The following ENY2 variants were observed in gnomAD, a reference collection of about 807,000 sequenced individuals.
The protein encoded by ENY2 is ENY2 transcription and export complex 2 subunit, also known as transcription and mRNA export factor ENY2.
Under a neutral mutation model 15.9 loss-of-function variants are expected in ENY2, and 4 were observed. The ratio of observed to expected loss-of-function variants is 0.25; its 90% CI spans 0.12 to 0.57. ENY2 has a LOEUF of 0.57. Among genes scored for constraint, ENY2 ranks in the 20% least tolerant of loss-of-function variants. The probability of loss-of-function intolerance (pLI) is 0.91; values close to 1 mark genes in which losing one functional copy is unlikely to be tolerated. For missense variants in ENY2, 54 were observed against 117.2 expected (o/e 0.46, Z 2.49); for synonymous variants, 48 against 38.0 (o/e 1.26, Z -0.97).
intron 2 of ENY2, chr8:109,339,080 C>G (rs142127171): frequency 1.9e-6 from 1 of 535,428 alleles, no homozygotes; most frequent in African/African-American, 1.9e-5. Context: ...AGTATTTTAG[C>G]CCCTCCACTT....
chr8:109,335,610 C>G (rs1210432942), intron 1 of ENY2: 1 of 152,372 alleles, frequency 6.6e-6, no homozygotes, highest in Non-Finnish European at 1.5e-5. Context: ...ATCCACCTGC[C>G]TGGGCCTCCC....
At chr8:109,334,535 G>A (rs1452696094) in intron 1 of ENY2, 61 bp downstream of exon 1, 6 of 1,576,804 alleles carry the variant, frequency 3.8e-6, no homozygotes. Context: ...TCCTTTCGAT[G>A]TACTGTCTTT....
intron 1 of ENY2, chr8:109,334,838 T>C: frequency 3.2e-6 from 1 of 314,212 alleles, no homozygotes. Flanking sequence ...ATTCCAGGAG[T>C]GGTACTGACT....
At chr8:109,341,444 T>C (rs1816110144) in intron 4 of ENY2, among the ~76,000 whole-genome samples, 1 of 152,132 alleles carries the variant, frequency 6.6e-6, no homozygotes, top group African/African-American at 2.4e-5. Flanking sequence ...TTCAAGTATG[T>C]CTCGGGGAAA....
chr8:109,343,390 A>G lies in ENY2; in HGVS notation c.230-15A>G, dbSNP rs376406285. ...GGTACCTTCTTACTCTTATTTTTTTATTTTTGTTTTTCAGCCCTGGTACCT... is the reference window on the plus strand; with the variant it reads ...GGTACCTTCTTACTCTTATTTTTTTGTTTTTGTTTTTCAGCCCTGGTACCT... On this transcript the variant is annotated splice_polypyrimidine_tract_variant and intron_variant, in intron 4 of 4. Coordinates refer to ENST00000521688, the MANE Select transcript of ENY2 (RefSeq NM_020189.6). 16 of 1,592,544 alleles carry G rather than the reference A, an allele frequency of 1.0e-5. No individual in the cohort carries two copies. Among genetic ancestry groups the G allele is most frequent in the Non-Finnish European group, 1.3e-5 (15 of 1,171,462 alleles).
chr8:109,334,765 A>C, intron 1 of ENY2: 1 of 496,972 alleles, frequency 2.0e-6, no homozygotes, highest in South Asian at 2.9e-5. Flanking sequence ...GCCTTTAAGA[A>C]TTAAGTGACT....
In ENY2 at chr8:109,334,440, C is replaced by T. The variant is rs1166561362; in HGVS notation, c.-29C>T. ...CCTCAGCGCAAGGGTCATTTCGTCG[C>T]TGGGAAGGGACGGCCCTCGCCCGCG... On this transcript the variant is annotated 5_prime_UTR_variant, in exon 1 of 5. Transcript: ENST00000521688. The T allele has an allele frequency of 4.3e-6, 7 of 1,613,838 alleles. No individual in the cohort carries two copies. Among genetic ancestry groups the T allele is most frequent in the Non-Finnish European group, 5.1e-6 (6 of 1,179,958 alleles).
chr8:109,336,491 G>T, intron 2 of ENY2: 1 of 255,302 alleles, frequency 3.9e-6, no homozygotes, highest in Admixed American at 5.4e-5. Flanking sequence ...ATGTTACCTG[G>T]GTTTTAACAG....
Position 109,344,581 on chromosome 8 carries a change from C to T in ENY2, c.*1100C>T, listed in dbSNP as rs1217076153. On this transcript the variant is annotated 3_prime_UTR_variant, in exon 5 of 5. Transcript: ENST00000521688. ...AATGACTTTTTCCCCCAATAATTGCCCCTGCTATATTCCTTATTTCTGAAT... is the reference window on the plus strand; with the variant it reads ...AATGACTTTTTCCCCCAATAATTGCTCCTGCTATATTCCTTATTTCTGAAT... 6.6e-6 allele frequency: 1 copy of T among 152,130 alleles called. No homozygotes were observed. The highest frequency in any genetic ancestry group is 2.4e-5 in the African/African-American group (1 of 41,386). The allele number at this position is 152,130 out of a possible 1,614,324, so 9.4% of individuals were successfully genotyped here.
intron 2 of ENY2, chr8:109,339,067 A>C (rs1816058531): frequency 5.8e-6 from 3 of 513,114 alleles, no homozygotes; most frequent in Middle Eastern, 5.2e-4. Context: ...GAGCTTCTTG[A>C]AAAGTATTTT....
At chr8:109,343,360 T>G in intron 4 of ENY2, 45 bp from the exon 5 acceptor site, 1 of 1,464,410 alleles carries the variant, frequency 6.8e-7, no homozygotes, top group Non-Finnish European at 9.4e-7. Context: ...TCTCATGTAT[T>G]AATTGGTACC....
Position 109,344,042 on chromosome 8 carries a change from A to C in ENY2, c.*561A>C, listed in dbSNP as rs1286361790. The C allele has an allele frequency of 6.6e-6, 1 of 152,124 alleles. No individual in the cohort carries two copies. The highest frequency in any genetic ancestry group is 1.9e-4 in the East Asian group (1 of 5,190). 9.4% of individuals were successfully genotyped at this position (152,124 alleles called of 1,614,324 possible). On this transcript the variant is annotated 3_prime_UTR_variant, in exon 5 of 5. Transcript: ENST00000521688. ...ATACCAAGCTCCTTCCACATACTCT[A>C]CTCATCTGAACTTTGAATGCAGAAT...
intron 1 of ENY2, 100 bp downstream of exon 1, chr8:109,334,574 G>T (rs1815911467): frequency 1.4e-6 from 2 of 1,396,978 alleles, no homozygotes. Flanking sequence ...GCGCTCGCGG[G>T]CCTGTAGGGC....
intron 4 of ENY2, among the ~76,000 whole-genome samples, chr8:109,342,271 G>A (rs1296347344): frequency 2.0e-5 from 3 of 149,942 alleles, no homozygotes; most frequent in African/African-American, 7.4e-5. Flanking sequence ...TTACTAGCTC[G>A]GAGTGTATAT....
chr8:109,337,881 A>G (rs1199446617), intron 2 of ENY2, among the ~76,000 whole-genome samples: 1 of 152,050 alleles, frequency 6.6e-6, no homozygotes, highest in Non-Finnish European at 1.5e-5. Flanking sequence ...CCTGGGTGAT[A>G]AGAGTGAAAC....
chr8:109,342,903 CT>C, intron 4 of ENY2: 1 of 502,676 alleles, frequency 2.0e-6, no homozygotes, highest in Non-Finnish European at 3.5e-6. Context: ...GATGGGGACC[CT>C]TTTATGTTCA....
intron 3 of ENY2, 105 bp from the exon 4 acceptor site, chr8:109,340,384 A>C: frequency 1.3e-6 from 2 of 1,502,008 alleles, no homozygotes; most frequent in Non-Finnish European, 1.8e-6. Flanking sequence ...TTTTAAAAAA[A>C]CCAGTCTACA....
chr8:109,341,822 C>T (rs746799742), intron 4 of ENY2, among the ~76,000 whole-genome samples: 5 of 152,188 alleles, frequency 3.3e-5, no homozygotes, highest in South Asian at 4.2e-4. Context: ...TAGCTACCAC[C>T]GTCAGGATAC....
intron 2 of ENY2, among the ~76,000 whole-genome samples, chr8:109,337,302 CT>C (rs1442331504): frequency 6.6e-6 from 1 of 151,608 alleles, no homozygotes; most frequent in Non-Finnish European, 1.5e-5. Flanking sequence ...CGATAACTGC[CT>C]TGGGTAGCTT....
Sources: gnomAD v4.1 joint callset for allele counts (sites outside exome capture counted in the v4.1 genomes callset) on GRCh38, gnomAD v4.1.1 for gene constraint, MANE v1.5 for transcripts, NCBI Gene and HGNC (gene_info 2026-07-23, HGNC 2026-07-21) for gene names.